GON4L: variants seen among roughly 807,000 people sequenced by gnomAD.
GON4L encodes the protein gon-4 like.
In GON4L, 87 loss-of-function variants were observed where a neutral mutation model predicts 211.8. That is an observed-to-expected ratio of 0.41 (90% confidence interval 0.35 to 0.49). The LOEUF (loss-of-function observed/expected upper bound fraction) is 0.49. GON4L is among the 20% of genes least tolerant of loss of function. GON4L has a pLI of 0.15. For synonymous variants in GON4L, 875 were observed against 962.6 expected (o/e 0.91, Z 1.68); for missense variants, 2,155 against 2,659.5 (o/e 0.81, Z 4.17).
chr1:155,809,395 T>C (rs1305717556), intron 10 of GON4L, among the ~76,000 whole-genome samples: 1 of 151,880 alleles, frequency 6.6e-6, no homozygotes, highest in Non-Finnish European at 1.5e-5. Flanking sequence ...ACTTCAACCA[T>C]TCAGTATGTG....
upstream of GON4L, among the ~76,000 whole-genome samples, chr1:155,857,446 G>C (rs1236736182): frequency 6.6e-6 from 1 of 152,210 alleles, no homozygotes; most frequent in South Asian, 2.1e-4. Context: ...AGCTAATTTG[G>C]GGGCCAGGCG....
chr1:155,810,394 G>C (rs1296459616), intron 10 of GON4L, among the ~76,000 whole-genome samples: 1 of 151,946 alleles, frequency 6.6e-6, no homozygotes, highest in Non-Finnish European at 1.5e-5. Flanking sequence ...GAATGATAGG[G>C]GAAACTTGGA....
intron 1 of GON4L, among the ~76,000 whole-genome samples, chr1:155,855,922 C>T (rs1182717143): frequency 2.3e-5 from 3 of 130,664 alleles, no homozygotes; most frequent in African/African-American, 9.0e-5. Flanking sequence ...GTGGAGGTTG[C>T]AGTGGGCCAA....
intron 12 of GON4L, among the ~76,000 whole-genome samples, chr1:155,789,428 G>A (rs59044524): frequency 2.0e-5 from 3 of 151,740 alleles, no homozygotes; most frequent in African/African-American, 4.8e-5. Context: ...TCAGGAATTC[G>A]AGACCAGCCT....
intron 5 of GON4L, among the ~76,000 whole-genome samples, chr1:155,821,197 C>T (rs542776753): frequency 5.9e-5 from 9 of 151,956 alleles, no homozygotes; most frequent in Admixed American, 4.6e-4. Context: ...ACCCGGGAGG[C>T]GGAGCTTGCA....
chr1:155,791,584 G>C (rs1218778110), intron 12 of GON4L, among the ~76,000 whole-genome samples: 4 of 151,346 alleles, frequency 2.6e-5, no homozygotes, highest in Non-Finnish European at 5.9e-5. Context: ...ACAAATAGGA[G>C]GCCGGGCACA....
intron 14 of GON4L, among the ~76,000 whole-genome samples, chr1:155,782,365 T>G (rs1247969577): frequency 6.6e-6 from 1 of 152,218 alleles, no homozygotes; most frequent in Non-Finnish European, 1.5e-5. Context: ...ACCTTTTCTA[T>G]GTTTACATAC....
rs527857538 is a variant in GON4L, at chr1:155,829,899, T to C, written c.506-2871A>G. ...GAAAAAAGGAACATTTCCTCTAGAG[T>C]ATGAAAAATGATTTTGTGGTGCAGC... On this transcript the variant is annotated intron_variant, in intron 2 of 31. Transcript: ENST00000368331. Among the ~76,000 whole-genome samples, 191 of 151,502 alleles carry C rather than the reference T, an allele frequency of 1.3e-3. 1 individual carries two copies. The highest frequency in any genetic ancestry group is 4.5e-3 in the African/African-American group (184 of 41,336).
chr1:155,835,927 A>G (rs1557917154), intron 2 of GON4L, among the ~76,000 whole-genome samples: 1 of 152,198 alleles, frequency 6.6e-6, no homozygotes, highest in Non-Finnish European at 1.5e-5. Flanking sequence ...GAACTGAGGG[A>G]GACCTTTAGC....
chr1:155,763,797 G>A (rs1662099235), intron 21 of GON4L, among the ~76,000 whole-genome samples: 1 of 152,112 alleles, frequency 6.6e-6, no homozygotes, highest in Admixed American at 6.6e-5. Context: ...GAGGCCAGGA[G>A]TTCAGGACCA....
chr1:155,811,011 T>C (rs1331341220), intron 10 of GON4L, among the ~76,000 whole-genome samples: 1 of 151,892 alleles, frequency 6.6e-6, no homozygotes, highest in Admixed American at 6.6e-5. Context: ...AGACTGTGAC[T>C]CCATATCCAA....
intron 12 of GON4L, among the ~76,000 whole-genome samples, chr1:155,793,555 G>C (rs1036687511): frequency 6.6e-6 from 1 of 152,116 alleles, no homozygotes; most frequent in Non-Finnish European, 1.5e-5. Flanking sequence ...TCTCCCCATA[G>C]GTAGAATTTC....
chr1:155,847,605 G>A (rs1456654614), intron 2 of GON4L, among the ~76,000 whole-genome samples: 1 of 152,092 alleles, frequency 6.6e-6, no homozygotes, highest in Non-Finnish European at 1.5e-5. Context: ...AGGAAGCTGG[G>A]GCAGGAGAAT....
In GON4L at chr1:155,843,126, T is replaced by C. The variant is rs111831824; in HGVS notation, c.505+10150A>G. ...CAACCACCTCCTCCTGAGAAACACC[T>C]TACTTGTCCTTATTGAGTATAGGGA... On this transcript the variant is annotated intron_variant, in intron 2 of 31. Transcript: ENST00000368331. Among the ~76,000 whole-genome samples the C allele has an allele frequency of 2.0e-5, 3 of 152,264 alleles. 1 individual carries two copies. The highest frequency in any genetic ancestry group is 7.2e-5 in the African/African-American group (3 of 41,526).
intron 2 of GON4L, among the ~76,000 whole-genome samples, chr1:155,846,781 G>T (rs1030597591): frequency 2.0e-5 from 3 of 152,044 alleles, no homozygotes; most frequent in African/African-American, 7.2e-5. Flanking sequence ...GGAGGCCGAG[G>T]TGGGTGGATG....
intron 12 of GON4L, among the ~76,000 whole-genome samples, chr1:155,792,333 A>T (rs1665677642): frequency 6.6e-6 from 1 of 152,228 alleles, no homozygotes; most frequent in Admixed American, 6.5e-5. Flanking sequence ...GACAAGAGGC[A>T]GAAAAAAAAA....
chr1:155,751,993 C>G lies in GON4L; in HGVS notation c.6440G>C (p.Ser2147Thr). The G allele has an allele frequency of 6.2e-7, 1 of 1,612,680 alleles. No individual in the cohort carries two copies. The highest frequency in any genetic ancestry group is 1.3e-5 in the African/African-American group (1 of 75,038). ...CAGGACAACCTTTTCCCCAGTGGAGCTGACCTTGCTGTTGTTGGCACACAC... is the reference window on the plus strand; with the variant it reads ...CAGGACAACCTTTTCCCCAGTGGAGGTGACCTTGCTGTTGTTGGCACACAC... The part of the protein sequence containing the change: ...ATVCANNSKV[S>T]STGEKVVLWT... The change falls in exon 30 of 32, where the codon AGC becomes ACC. Residue 2147 changes from serine to threonine, a missense_variant. Ser to Thr is a moderately conservative substitution (Grantham distance 58, BLOSUM62 1). This residue lies in a region of GON4L where 186 missense variants were observed against 308.1 expected (regional missense o/e 0.60). Coordinates refer to ENST00000368331, the MANE Select transcript of GON4L (RefSeq NM_001282860.2).
At chr1:155,829,925 T>C (rs1351213093) in intron 2 of GON4L, among the ~76,000 whole-genome samples, 2 of 151,502 alleles carry the variant, frequency 1.3e-5, no homozygotes, top group Non-Finnish European at 2.9e-5. Context: ...GTGGTGCAGC[T>C]GATAATGTGC....
Position 155,767,208 on chromosome 1 carries a change from T to C in GON4L, c.2763+217A>G, listed in dbSNP as rs926382730. On this transcript the variant is annotated intron_variant, in intron 20 of 31. Transcript: ENST00000368331. ...ATACACTTTAGAAACTTCTGTGAAT[T>C]TCCTTTAGCAAATTATTATTTTACC... is the stretch of plus-strand genomic sequence containing the variant. 44 of 1,179,382 alleles carry C rather than the reference T, an allele frequency of 3.7e-5. No homozygotes were observed. In the Middle Eastern group the frequency reaches 8.7e-4, roughly 23 times the overall value. 73.1% of individuals were successfully genotyped at this position (1,179,382 alleles called of 1,614,324 possible). A position where few individuals can be genotyped will look rare whatever the true frequency, so the allele number is the denominator to read the frequency against.
Sources: allele counts gnomAD v4.1 joint callset (sites outside exome capture counted in the v4.1 genomes callset), GRCh38; gene constraint gnomAD v4.1.1; regional missense constraint gnomAD v4.1.1; transcripts MANE v1.5; gene names NCBI Gene and HGNC (gene_info 2026-07-23, HGNC 2026-07-21).